WDTC1: variants seen among roughly 807,000 people sequenced by gnomAD.
WDTC1 encodes WD and tetratricopeptide repeats 1, also known as WD and tetratricopeptide repeats protein 1.
In WDTC1, 12 loss-of-function variants were observed where a neutral mutation model predicts 76.0. That is an observed-to-expected ratio of 0.16 (90% confidence interval 0.10 to 0.26). The LOEUF (loss-of-function observed/expected upper bound fraction) is 0.26, where lower values mean the gene tolerates loss of function less well. Among genes scored for constraint, WDTC1 ranks in the 10% least tolerant of loss-of-function variants. The pLI is 1.00. For missense variants in WDTC1, 511 were observed against 908.8 expected, an observed-to-expected ratio of 0.56 and a Z score of 5.63; for synonymous variants, 326 against 350.8, an observed-to-expected ratio of 0.93 and a Z score of 0.79.
intron 9 of WDTC1, 108 bp from the exon 10 acceptor site, chr1:27,296,218 C>G (rs1178208947): frequency 7.9e-7 from 1 of 1,268,764 alleles, no homozygotes; most frequent in African/African-American, 1.5e-5. Flanking sequence ...GCTCAACACT[C>G]ACTGTGTTCC....
At chr1:27,284,810 T>G (rs1369509912) in intron 5 of WDTC1, among the ~76,000 whole-genome samples, 1 of 151,644 alleles carries the variant, frequency 6.6e-6, no homozygotes, top group African/African-American at 2.4e-5. Flanking sequence ...TTTCTTTAGG[T>G]AGTGGAAACA....
intron 2 of WDTC1, among the ~76,000 whole-genome samples, chr1:27,262,373 C>A (rs1473054876): frequency 6.6e-6 from 1 of 151,788 alleles, no homozygotes; most frequent in African/African-American, 2.4e-5. Context: ...TCCCTGAATC[C>A]TTTTATTTAT....
At chr1:27,265,655 A>G (rs1174529246) in intron 3 of WDTC1, among the ~76,000 whole-genome samples, 1 of 152,002 alleles carries the variant, frequency 6.6e-6, no homozygotes, top group Non-Finnish European at 1.5e-5. Context: ...TGTTTAAAAA[A>G]AAAAAAATTG....
At chr1:27,294,708 C>T in intron 9 of WDTC1, 79 bp downstream of exon 9, 1 of 1,226,256 alleles carries the variant, frequency 8.2e-7, no homozygotes, top group South Asian at 1.3e-5. Flanking sequence ...ATGTTCACTG[C>T]TGAGGCAGAC....
chr1:27,275,935 TC>T (rs1410334495), intron 3 of WDTC1, among the ~76,000 whole-genome samples: 3 of 152,186 alleles, frequency 2.0e-5, no homozygotes, highest in African/African-American at 7.2e-5. Flanking sequence ...AAACCACTAA[TC>T]TATTTTCTGT....
chr1:27,259,320 C>A (rs2012395010), intron 1 of WDTC1, among the ~76,000 whole-genome samples: 1 of 141,748 alleles, frequency 7.1e-6, no homozygotes, highest in Non-Finnish European at 1.5e-5. Flanking sequence ...CCACCATGCC[C>A]AACTTTTTTT....
intron 1 of WDTC1, 71 bp downstream of exon 1, chr1:27,235,022 A>C: frequency 5.5e-6 from 2 of 360,950 alleles, no homozygotes; most frequent in Non-Finnish European, 9.9e-6. Flanking sequence ...GCCCCGGTGA[A>C]CGGGCCGCCC....
At chr1:27,238,872 A>AT (rs376787127) in intron 1 of WDTC1, among the ~76,000 whole-genome samples, 1 of 146,522 alleles carries the variant, frequency 6.8e-6, no homozygotes, top group Non-Finnish European at 1.5e-5. Context: ...GCCCCGGCTA[A>AT]TTTTTTTGTA....
intron 3 of WDTC1, among the ~76,000 whole-genome samples, chr1:27,281,005 T>G (rs2013170658): frequency 6.6e-6 from 1 of 151,912 alleles, no homozygotes; most frequent in East Asian, 1.9e-4. Context: ...TCTCTCTCTC[T>G]TTTTTTTCAA....
chr1:27,305,224 G>A lies in WDTC1; in HGVS notation c.1836+31G>A. 6.2e-7 allele frequency: 1 copy of A among 1,603,584 alleles called. No individual in the cohort carries two copies. ...GGTGCAGAGCCAAGCAGAGAGGAGG[G>A]CAGGGACTCTGTGGAAGGCTCCAGT... On this transcript the variant is annotated intron_variant, in intron 15 of 15. Transcript: ENST00000319394. The surrounding 1 kb of genome is among the most constrained non-coding windows in gnomAD (Gnocchi z 4.6).
chr1:27,257,501 A>G (rs1052795609), intron 1 of WDTC1, among the ~76,000 whole-genome samples: 1 of 152,076 alleles, frequency 6.6e-6, no homozygotes, highest in African/African-American at 2.4e-5. Flanking sequence ...TGGGGAAATT[A>G]CTGTTGTTGT....
chr1:27,238,951 C>T (rs1351527748), intron 1 of WDTC1, among the ~76,000 whole-genome samples: 2 of 149,610 alleles, frequency 1.3e-5, no homozygotes, highest in Non-Finnish European at 3.0e-5. Context: ...CCACCTGCCT[C>T]GGTCTCCCAA....
At chr1:27,300,232 G>A (rs770105083) in intron 12 of WDTC1, among the ~76,000 whole-genome samples, 2 of 152,104 alleles carry the variant, frequency 1.3e-5, no homozygotes, top group African/African-American at 2.4e-5. Flanking sequence ...ATGCCGGATT[G>A]TTGTGAGCTG....
At chr1:27,270,204 A>T (rs1370009840) in intron 3 of WDTC1, among the ~76,000 whole-genome samples, 2 of 152,140 alleles carry the variant, frequency 1.3e-5, no homozygotes, top group Admixed American at 6.6e-5. Flanking sequence ...GATTACAGAC[A>T]TGAGCCACCA....
intron 7 of WDTC1, among the ~76,000 whole-genome samples, chr1:27,293,293 G>A (rs1302836036): frequency 2.6e-5 from 4 of 151,070 alleles, no homozygotes; most frequent in East Asian, 2.0e-4. Context: ...TTAGCCGGGC[G>A]TGGTGGCGGG....
At chr1:27,291,521 C>G (rs1326294268) in intron 6 of WDTC1, among the ~76,000 whole-genome samples, 1 of 152,196 alleles carries the variant, frequency 6.6e-6, no homozygotes, top group Non-Finnish European at 1.5e-5. Flanking sequence ...CCCCTACCCA[C>G]CACTCTCTGA....
intron 1 of WDTC1, among the ~76,000 whole-genome samples, chr1:27,242,702 C>T (rs2011667444): frequency 6.6e-6 from 1 of 152,142 alleles, no homozygotes; most frequent in Admixed American, 6.6e-5. Context: ...CTCCTGACCT[C>T]AGGTGATTCA....
intron 1 of WDTC1, among the ~76,000 whole-genome samples, chr1:27,251,399 G>T (rs1309571498): frequency 6.6e-6 from 1 of 152,024 alleles, no homozygotes; most frequent in African/African-American, 2.4e-5. Context: ...ATTGTGTCTT[G>T]TGTCTTCTTC....
chr1:27,294,082 C>G lies in WDTC1; in HGVS notation c.723C>G (p.Pro241=). The G allele has an allele frequency of 6.2e-7, 1 of 1,614,148 alleles. No homozygotes were observed. Among genetic ancestry groups the G allele is most frequent in the Non-Finnish European group, 8.5e-7 (1 of 1,180,032 alleles). ...GVHTFCDRQK[P]LPDGAAQYYV... is the part of the protein sequence containing the mutation. ...ACACCTTCTGTGACCGGCAGAAACCCCTTCCGGACGGTGCAGCCCAGTATT... is the reference window on the plus strand; with the variant it reads ...ACACCTTCTGTGACCGGCAGAAACCGCTTCCGGACGGTGCAGCCCAGTATT... Residue 241 remains proline (P), a synonymous_variant, in exon 8 of 16, where the codon CCC becomes CCG. Coordinates refer to ENST00000319394, the MANE Select transcript of WDTC1 (RefSeq NM_001276252.2).
Sources: gnomAD v4.1 joint callset for allele counts (sites outside exome capture counted in the v4.1 genomes callset) on GRCh38, gnomAD v4.1.1 for gene constraint, Gnocchi (gnomAD v3.1) non-coding constraint, MANE v1.5 for transcripts, NCBI Gene and HGNC (gene_info 2026-07-23, HGNC 2026-07-21) for gene names.